HTR7: variants seen among roughly 807,000 people sequenced by gnomAD.
The protein encoded by HTR7 is 5-HT-7.
A neutral mutation model predicts 34.0 loss-of-function variants in HTR7; 16 were observed. The ratio of observed to expected loss-of-function variants is 0.47; its 90% confidence interval spans 0.32 to 0.71. The LOEUF is 0.71. Among genes scored for constraint, HTR7 ranks in the 30% least tolerant of loss-of-function variants. The pLI is 0.04. For synonymous variants in HTR7, 265 were observed against 260.2 expected, an observed-to-expected ratio of 1.02 and a Z score of -0.18; for missense variants, 504 against 625.5, an observed-to-expected ratio of 0.81 and a Z score of 2.07.
chr10:90,745,178 A>G (rs1433332391), intron 2 of HTR7, among the ~76,000 whole-genome samples: 1 of 152,194 alleles, frequency 6.6e-6, no homozygotes, highest in Non-Finnish European at 1.5e-5. Flanking sequence ...AATCCCATAA[A>G]TTGGTAGCTT....
intron 1 of HTR7, among the ~76,000 whole-genome samples, chr10:90,758,127 C>T (rs2119706813): frequency 6.6e-6 from 1 of 152,034 alleles, no homozygotes; most frequent in Non-Finnish European, 1.5e-5. Flanking sequence ...GAGGGCGGAT[C>T]ACGAGGTTAG....
chr10:90,743,943 G>C, intron 2 of HTR7: 1 of 641,628 alleles, frequency 1.6e-6, no homozygotes, highest in Non-Finnish European at 3.0e-6. Flanking sequence ...TGAGGTTCTG[G>C]TTATGCTGAT....
At chr10:90,813,448 G>A (rs1377273831) in intron 1 of HTR7, among the ~76,000 whole-genome samples, 1 of 152,030 alleles carries the variant, frequency 6.6e-6, no homozygotes, top group African/African-American at 2.4e-5. Flanking sequence ...CTTGAACGCG[G>A]GTGGCAGAGG....
intron 1 of HTR7, among the ~76,000 whole-genome samples, chr10:90,810,104 C>G (rs1845780905): frequency 6.6e-6 from 1 of 152,150 alleles, no homozygotes; most frequent in Non-Finnish European, 1.5e-5. Flanking sequence ...TCTTAAAACT[C>G]CCCAACTCTG....
intron 1 of HTR7, among the ~76,000 whole-genome samples, chr10:90,817,123 C>G (rs558831876): frequency 6.6e-6 from 1 of 152,280 alleles, no homozygotes; most frequent in African/African-American, 2.4e-5. Context: ...CTGCCTCTGG[C>G]CAATCTTAGC....
intron 1 of HTR7, among the ~76,000 whole-genome samples, chr10:90,776,672 T>C (rs1006676452): frequency 6.6e-6 from 1 of 152,230 alleles, no homozygotes; most frequent in Admixed American, 6.5e-5. Context: ...AAATATCAGA[T>C]TAAGAGTAAT....
At chr10:90,850,895 A>T (rs1846487452) in intron 1 of HTR7, among the ~76,000 whole-genome samples, 1 of 152,230 alleles carries the variant, frequency 6.6e-6, no homozygotes, top group Non-Finnish European at 1.5e-5. Flanking sequence ...TGTGTGACAG[A>T]GTAAAAAGGT....
intron 1 of HTR7, among the ~76,000 whole-genome samples, chr10:90,792,279 C>T (rs896589181): frequency 2.0e-5 from 3 of 152,014 alleles, no homozygotes; most frequent in Admixed American, 6.6e-5. Flanking sequence ...AAGCCTTCAG[C>T]GTCTAATTGG....
chr10:90,856,992 T>C (rs1846590376), intron 1 of HTR7, 141 bp downstream of exon 1: 2 of 737,138 alleles, frequency 2.7e-6, no homozygotes, highest in Admixed American at 3.0e-5. Context: ...GTAGGGTGGA[T>C]TGGGGGGAGC....
intron 1 of HTR7, among the ~76,000 whole-genome samples, chr10:90,842,784 C>T (rs551983829): frequency 5.3e-5 from 8 of 151,778 alleles, no homozygotes; most frequent in Non-Finnish European, 1.0e-4. Context: ...CTCCATAGCA[C>T]AGCACTGATG....
At chr10:90,777,491 A>G (rs532135201) in intron 1 of HTR7, among the ~76,000 whole-genome samples, 1 of 152,022 alleles carries the variant, frequency 6.6e-6, no homozygotes, top group East Asian at 1.9e-4. Flanking sequence ...AAAAAAAAAA[A>G]AAAAAAAAAG....
intron 1 of HTR7, among the ~76,000 whole-genome samples, chr10:90,840,177 TCACACACA>T (rs35170324): frequency 7.3e-6 from 1 of 136,802 alleles, no homozygotes; most frequent in African/African-American, 2.7e-5. Context: ...TCTCTCTCTC[TCACACACA>T]CACACACACA....
intron 1 of HTR7, among the ~76,000 whole-genome samples, chr10:90,799,076 T>G (rs926657549): frequency 3.9e-5 from 6 of 152,148 alleles, no homozygotes; most frequent in African/African-American, 7.2e-5. Context: ...TTGCAAACCC[T>G]GCACTTAATG....
At chr10:90,824,494 A>T (rs1240947201) in intron 1 of HTR7, among the ~76,000 whole-genome samples, 1 of 152,192 alleles carries the variant, frequency 6.6e-6, no homozygotes, top group East Asian at 1.9e-4. Flanking sequence ...GAAAAGCAGA[A>T]AAAAGAGTAA....
chr10:90,797,081 G>A (rs1424132875), intron 1 of HTR7, among the ~76,000 whole-genome samples: 1 of 151,518 alleles, frequency 6.6e-6, no homozygotes, highest in Non-Finnish European at 1.5e-5. Context: ...CAAACATCAA[G>A]TACTGCACTG....
intron 1 of HTR7, among the ~76,000 whole-genome samples, chr10:90,801,837 A>C (rs182791860): frequency 6.6e-6 from 1 of 152,284 alleles, no homozygotes; most frequent in Admixed American, 6.5e-5. Context: ...GTTTTGTCTC[A>C]AAGTTTTGAT....
At chr10:90,770,915 T>TGTG (rs1273587096) in intron 1 of HTR7, among the ~76,000 whole-genome samples, 1 of 152,192 alleles carries the variant, frequency 6.6e-6, no homozygotes, top group Non-Finnish European at 1.5e-5. Context: ...GATGGGAACT[T>TGTG]GTGGTGCCTT....
At chr10:90,753,364 T>C (rs1359667735) in intron 1 of HTR7, among the ~76,000 whole-genome samples, 1 of 151,630 alleles carries the variant, frequency 6.6e-6, no homozygotes, top group Non-Finnish European at 1.5e-5. Context: ...AGACCCTATC[T>C]CTATTTTAAA....
chr10:90,828,343 C>A (rs1334293365), intron 1 of HTR7, among the ~76,000 whole-genome samples: 1 of 151,804 alleles, frequency 6.6e-6, no homozygotes, highest in African/African-American at 2.4e-5. Context: ...AATCAGTAGA[C>A]AAATAATAAA....
Sources: gnomAD v4.1 joint callset for allele counts (sites outside exome capture counted in the v4.1 genomes callset) on GRCh38, gnomAD v4.1.1 for gene constraint, MANE v1.5 for transcripts, NCBI Gene and HGNC (gene_info 2026-07-23, HGNC 2026-07-21) for gene names.